The following SNTG2 variants were observed in gnomAD, a reference collection of about 807,000 sequenced individuals.
SNTG2 encodes the protein gamma-2-syntrophin.
Under a neutral mutation model 70.9 loss-of-function variants are expected in SNTG2, and 74 were observed. The ratio of observed to expected loss-of-function variants is 1.04; its 90% confidence interval spans 0.86 to 1.27. SNTG2 has a LOEUF of 1.27. Ranked by LOEUF, SNTG2 falls within the 50% of genes most tolerant of loss-of-function variation. The probability of loss-of-function intolerance (pLI) is 0.00; values close to 1 mark genes in which losing one functional copy is unlikely to be tolerated. For synonymous variants in SNTG2, 278 were observed against 273.8 expected (o/e 1.02, Z -0.15); for missense variants, 717 against 690.7 (o/e 1.04, Z -0.43).
At chr2:1,165,863 C>G (rs189093526) in intron 7 of SNTG2, among the ~76,000 whole-genome samples, 1 of 152,160 alleles carries the variant, frequency 6.6e-6, no homozygotes, top group Non-Finnish European at 1.5e-5. Flanking sequence ...CCGTGCTTCT[C>G]GACTGTGCTT....
chr2:1,048,244 G>C (rs1043716627), intron 1 of SNTG2, among the ~76,000 whole-genome samples: 1 of 152,044 alleles, frequency 6.6e-6, no homozygotes, highest in African/African-American at 2.4e-5. Context: ...TATGCAAAGG[G>C]AAAAGTGTCC....
chr2:1,361,328 C>A (rs928197248), intron 16 of SNTG2, among the ~76,000 whole-genome samples: 6 of 145,300 alleles, frequency 4.1e-5, no homozygotes, highest in African/African-American at 1.3e-4. Flanking sequence ...AATAAATGGT[C>A]ATCAAGTTGA....
At chr2:1,221,302 T>TCC (rs1340969271) in intron 9 of SNTG2, among the ~76,000 whole-genome samples, 2 of 7,266 alleles carry the variant, frequency 2.8e-4, no homozygotes, top group East Asian at 5.7e-3. Context: ...TCTCTGTCCC[T>TCC]CTCTGTCTCT....
chr2:1,035,699 T>G (rs1572267387), intron 1 of SNTG2, among the ~76,000 whole-genome samples: 1 of 152,352 alleles, frequency 6.6e-6, no homozygotes, highest in South Asian at 2.1e-4. Flanking sequence ...TTAAACAGTT[T>G]TAAATGGGCA....
intron 11 of SNTG2, among the ~76,000 whole-genome samples, chr2:1,240,408 GC>G (rs1261258129): frequency 1.3e-5 from 2 of 152,196 alleles, no homozygotes; most frequent in Non-Finnish European, 2.9e-5. Context: ...TTCAATATCA[GC>G]CAAATCAGTT....
intron 8 of SNTG2, among the ~76,000 whole-genome samples, chr2:1,179,665 C>T (rs1479738422): frequency 1.3e-5 from 2 of 151,844 alleles, no homozygotes; most frequent in African/African-American, 2.4e-5. Flanking sequence ...AGATTCAGTG[C>T]CATCCCCATG....
chr2:1,078,357 G>T (rs957752487), intron 1 of SNTG2, among the ~76,000 whole-genome samples: 1 of 152,184 alleles, frequency 6.6e-6, no homozygotes, highest in African/African-American at 2.4e-5. Context: ...GCGGAGTTCC[G>T]ATTTTAACTG....
intron 1 of SNTG2, among the ~76,000 whole-genome samples, chr2:1,076,972 C>A (rs1210358461): frequency 2.0e-5 from 3 of 152,084 alleles, no homozygotes; most frequent in African/African-American, 4.8e-5. Context: ...TATGTACGTA[C>A]GTAATTCTTA....
chr2:1,207,791 A>C (rs570973643), intron 8 of SNTG2, among the ~76,000 whole-genome samples: 99 of 152,294 alleles, frequency 6.5e-4, no homozygotes, highest in African/African-American at 2.3e-3. Flanking sequence ...GTTCAGCGGC[A>C]CAGAACTGTT....
At chr2:1,223,065 GGC>G (rs1675442511) in intron 9 of SNTG2, among the ~76,000 whole-genome samples, 10 of 56,822 alleles carry the variant, frequency 1.8e-4, no homozygotes, top group Admixed American at 3.0e-4. Context: ...AGTGATGGAG[GGC>G]GTCTCCCTGT....
intron 9 of SNTG2, among the ~76,000 whole-genome samples, chr2:1,232,078 C>A (rs1676290330): frequency 6.6e-6 from 1 of 152,118 alleles, no homozygotes; most frequent in Non-Finnish European, 1.5e-5. Flanking sequence ...GCATGGCCTG[C>A]ACGGATGGGG....
intron 4 of SNTG2, among the ~76,000 whole-genome samples, chr2:1,112,693 CTAAG>C (rs1468984039): frequency 1.1e-4 from 16 of 151,476 alleles, no homozygotes; most frequent in Middle Eastern, 3.4e-3. Flanking sequence ...ATCATGTGTA[CTAAG>C]TGAGGGTTAA....
intron 16 of SNTG2, among the ~76,000 whole-genome samples, chr2:1,351,624 G>T (rs1106214): frequency 6.6e-6 from 1 of 151,994 alleles, no homozygotes; most frequent in East Asian, 1.9e-4. Context: ...GTCCTCTGTT[G>T]TCATCTACCC....
At chr2:1,006,561 C>T (rs1019076351) in intron 1 of SNTG2, among the ~76,000 whole-genome samples, 8 of 152,066 alleles carry the variant, frequency 5.3e-5, no homozygotes, top group East Asian at 1.9e-4. Context: ...AGACTTGGCC[C>T]GCCACATCCG....
chr2:1,177,434 TTAC>T (rs1671553536), intron 8 of SNTG2, among the ~76,000 whole-genome samples: 1 of 151,798 alleles, frequency 6.6e-6, no homozygotes, highest in Non-Finnish European at 1.5e-5. Context: ...TGGCACACGT[TTAC>T]CAATGTAACA....
chr2:1,164,529 C>T (rs1308551777), intron 6 of SNTG2, among the ~76,000 whole-genome samples: 5 of 117,526 alleles, frequency 4.3e-5, no homozygotes, highest in African/African-American at 1.4e-4. Context: ...CCTGCCCAAA[C>T]TGTGGGCAGT....
intron 14 of SNTG2, among the ~76,000 whole-genome samples, chr2:1,296,744 A>T (rs573780210): frequency 1.3e-3 from 200 of 151,942 alleles, no homozygotes; most frequent in African/African-American, 4.8e-3. Context: ...CACAGGGCAG[A>T]CTCCCCAGCA....
At chr2:1,101,677 C>A (rs570942164) in intron 4 of SNTG2, among the ~76,000 whole-genome samples, 1 of 152,278 alleles carries the variant, frequency 6.6e-6, no homozygotes, top group East Asian at 1.9e-4. Context: ...CGGAGCACAG[C>A]GCTGCCAGAT....
intron 8 of SNTG2, among the ~76,000 whole-genome samples, chr2:1,191,248 C>T (rs1432389553): frequency 2.0e-5 from 3 of 152,186 alleles, no homozygotes; most frequent in Non-Finnish European, 4.4e-5. Context: ...AGGCATTCCT[C>T]TATCCAGCTG....
Sources: gnomAD v4.1 joint callset for allele counts (sites outside exome capture counted in the v4.1 genomes callset) on GRCh38, gnomAD v4.1.1 for gene constraint, MANE v1.5 for transcripts, NCBI Gene and HGNC (gene_info 2026-07-23, HGNC 2026-07-21) for gene names.